Variants in CAPS2 observed in about 807,000 individuals in gnomAD.
CAPS2 encodes calcyphosine 2.
Under a neutral mutation model 86.5 loss-of-function variants are expected in CAPS2, and 98 were observed. The ratio of observed to expected loss-of-function variants is 1.13; its 90% CI spans 0.96 to 1.34. The LOEUF (loss-of-function observed/expected upper bound fraction) is 1.34. Ranked by LOEUF, CAPS2 falls within the 40% of genes most tolerant of loss-of-function variation. CAPS2 has a pLI of 0.00. For missense variants in CAPS2, 729 were observed against 686.8 expected (o/e 1.06, Z -0.69); for synonymous variants, 210 against 225.1 (o/e 0.93, Z 0.60).
At chr12:75,296,896 T>C (rs2036994309) in intron 11 of CAPS2, among the ~76,000 whole-genome samples, 1 of 152,214 alleles carries the variant, frequency 6.6e-6, no homozygotes, top group South Asian at 2.1e-4. Context: ...TCAAGGGATG[T>C]ATTTTTAAAA....
rs760513951 is a variant in CAPS2, at chr12:75,370,121, A to G, written c.-395+20717T>C. 2.5e-6 allele frequency: 4 copies of G among 1,608,298 alleles called. No homozygotes were observed. The Admixed American group carries it at 6.7e-5, about 27-fold the overall frequency. ...CTGAAGCCAACGGGGAGAGCACCTC[A>G]GCAGACAGCCTTTAATCCATTCAGC... On this transcript the variant is annotated intron_variant, in intron 1 of 5. Coordinates refer to the CAPS2 transcript ENST00000551829.
chr12:75,387,719 G>A (rs1382331838), intron 1 of CAPS2, among the ~76,000 whole-genome samples: 3 of 152,108 alleles, frequency 2.0e-5, no homozygotes, highest in Admixed American at 2.0e-4. Flanking sequence ...ACATGGTAAA[G>A]GGGCTAAACT....
intron 1 of CAPS2, among the ~76,000 whole-genome samples, chr12:75,361,647 G>C (rs1432364750): frequency 6.6e-6 from 1 of 152,188 alleles, no homozygotes; most frequent in Non-Finnish European, 1.5e-5. Context: ...GAAGGTGAAG[G>C]GGAAGCCAGA....
intron 8 of CAPS2, among the ~76,000 whole-genome samples, chr12:75,300,390 C>T (rs2037621170): frequency 6.6e-6 from 1 of 151,708 alleles, no homozygotes; most frequent in South Asian, 2.1e-4. Context: ...CCCATCTCTA[C>T]TAAAAATTAC....
chr12:75,302,008 T>C (rs901351341), intron 8 of CAPS2, among the ~76,000 whole-genome samples: 1 of 152,112 alleles, frequency 6.6e-6, no homozygotes, highest in African/African-American at 2.4e-5. Context: ...CCACTATAAT[T>C]AAACAGACTA....
At chr12:75,331,373 C>CAAAT (rs1456665872), upstream of CAPS2, among the ~76,000 whole-genome samples, 1 of 151,996 alleles carries the variant, frequency 6.6e-6, no homozygotes, top group Non-Finnish European at 1.5e-5. Flanking sequence ...TTTCCTGGTG[C>CAAAT]AAATTTGGGA....
intron 1 of CAPS2, among the ~76,000 whole-genome samples, chr12:75,350,704 A>T (rs1227777441): frequency 6.6e-6 from 1 of 152,216 alleles, no homozygotes; most frequent in African/African-American, 2.4e-5. Flanking sequence ...CAGCAGATTC[A>T]AAGATCAAAG....
At chr12:75,346,538 A>G (rs201405305) in intron 1 of CAPS2, among the ~76,000 whole-genome samples, 1 of 152,090 alleles carries the variant, frequency 6.6e-6, no homozygotes, top group South Asian at 2.1e-4. Context: ...TTACAGGCAC[A>G]TGCCACCACG....
rs764417497 is a variant in CAPS2 at position 75,293,580 on chromosome 12, C to T, written c.1045-213G>A. Among the ~76,000 whole-genome samples the T allele has an allele frequency of 2.2e-4, 33 of 152,186 alleles. No individual in the cohort carries two copies. Among genetic ancestry groups the T allele is most frequent in the Non-Finnish European group, 4.0e-4 (27 of 67,992 alleles). On this transcript the variant is annotated intron_variant, in intron 11 of 16. Transcript: ENST00000393284. Reference sequence around the variant, plus strand: ...CTCAGAAGTCTTCTATTTAACAATCCATGTGAACAAAAAAGTCAGCAATAT... The same window carrying T: ...CTCAGAAGTCTTCTATTTAACAATCTATGTGAACAAAAAAGTCAGCAATAT...
rs182989654 is a variant in CAPS2, at chr12:75,385,244, T to G, written c.-395+5594A>C. ...ATAAATTACCCAGTTTCAAGTATTC[T>G]GTTATAAGCATCAGAAAATGAACTA... On this transcript the variant is annotated intron_variant, in intron 1 of 5. Transcript: ENST00000551829. 2.2e-4 allele frequency among the ~76,000 whole-genome samples: 34 copies of G among 152,332 alleles called. No homozygotes were observed. In the East Asian group the frequency reaches 6.0e-3, roughly 27 times the overall value.
intron 6 of CAPS2, among the ~76,000 whole-genome samples, chr12:75,313,744 T>TG (rs1232483809): frequency 1.3e-5 from 2 of 152,148 alleles, no homozygotes; most frequent in African/African-American, 4.8e-5. Context: ...CTCCAATAAA[T>TG]GAAATTAAGA....
intron 16 of CAPS2, among the ~76,000 whole-genome samples, chr12:75,281,072 A>C (rs1406175397): frequency 6.6e-6 from 1 of 151,982 alleles, no homozygotes; most frequent in East Asian, 1.9e-4. Flanking sequence ...CCTCCCTAGT[A>C]ATGAAGGAAC....
At chr12:75,276,633 C>T (rs982072069), downstream of CAPS2, 1 of 858,696 alleles carries the variant, frequency 1.2e-6, no homozygotes, top group South Asian at 5.4e-5. Flanking sequence ...TATAATATAC[C>T]TTGTCTTTTT....
At chr12:75,276,376 TA>T (rs545886290), downstream of CAPS2, 35 of 1,376,298 alleles carry the variant, frequency 2.5e-5, no homozygotes, top group African/African-American at 4.2e-4. Context: ...TCTCCTGAAA[TA>T]CTTGATAACA....
intron 1 of CAPS2, among the ~76,000 whole-genome samples, chr12:75,387,636 C>T (rs948439819): frequency 1.3e-5 from 2 of 152,142 alleles, no homozygotes; most frequent in South Asian, 4.1e-4. Flanking sequence ...ATTTCAAAGT[C>T]AAGGGGCCAT....
At chr12:75,389,028 C>CCTGGGTGGCCT (rs2045436961) in intron 1 of CAPS2, among the ~76,000 whole-genome samples, 1 of 152,152 alleles carries the variant, frequency 6.6e-6, no homozygotes, top group Admixed American at 6.5e-5. Flanking sequence ...AGTAGCTCTA[C>CCTGGGTGGCCT]CACTCCCTGG....
At chr12:75,284,004 C>G (rs886403554) in intron 15 of CAPS2, among the ~76,000 whole-genome samples, 1 of 152,106 alleles carries the variant, frequency 6.6e-6, no homozygotes, top group Admixed American at 6.6e-5. Context: ...TTATTTCAGT[C>G]ATCTAGTCTG....
intron 1 of CAPS2, among the ~76,000 whole-genome samples, chr12:75,387,752 C>T (rs11180481): frequency 0.55 from 83,345 of 151,928 alleles, 22,905 homozygotes; most frequent in East Asian, 0.58. Context: ...CATTAATCTA[C>T]GAATGGATCA....
intron 11 of CAPS2, among the ~76,000 whole-genome samples, chr12:75,294,256 T>A (rs1240322805): frequency 6.6e-6 from 1 of 152,132 alleles, no homozygotes; most frequent in Non-Finnish European, 1.5e-5. Context: ...CAAATACAAA[T>A]TATAAATAGG....
Sources: allele counts gnomAD v4.1 joint callset (sites outside exome capture counted in the v4.1 genomes callset), GRCh38; gene constraint gnomAD v4.1.1; transcripts MANE v1.5; gene names NCBI Gene and HGNC (gene_info 2026-07-23, HGNC 2026-07-21).